ESRRG: variants seen among roughly 807,000 people sequenced by gnomAD.
The protein encoded by ESRRG is estrogen related receptor gamma.
In ESRRG, 13 loss-of-function variants were observed where a neutral mutation model predicts 44.0. The ratio of observed to expected loss-of-function variants is 0.30; its 90% confidence interval spans 0.19 to 0.47. The LOEUF is 0.47. ESRRG is among the 20% of genes least tolerant of loss of function. The probability of loss-of-function intolerance (pLI) is 1.00; values close to 1 mark genes in which losing one functional copy is unlikely to be tolerated. For synonymous variants in ESRRG, 215 were observed against 214.6 expected (o/e 1.00, Z -0.02); for missense variants, 395 against 580.6 (o/e 0.68, Z 3.29).
intron 3 of ESRRG, among the ~76,000 whole-genome samples, chr1:216,604,371 A>C (rs2059651581): frequency 6.6e-6 from 1 of 152,202 alleles, no homozygotes; most frequent in African/African-American, 2.4e-5. Flanking sequence ...CCAAGTGCAC[A>C]ATGGGGCTTC....
At chr1:216,875,959 T>A (rs2096345605) in intron 2 of ESRRG, among the ~76,000 whole-genome samples, 1 of 152,176 alleles carries the variant, frequency 6.6e-6, no homozygotes, top group Admixed American at 6.5e-5. Flanking sequence ...TCATCTAGAA[T>A]GGATATCAGG....
chr1:216,527,320 T>C (rs1408914028), intron 5 of ESRRG, among the ~76,000 whole-genome samples: 1 of 152,162 alleles, frequency 6.6e-6, no homozygotes, highest in African/African-American at 2.4e-5. Flanking sequence ...AACAGCATCC[T>C]TACCAAAATC....
chr1:216,718,753 A>G (rs1235434569), intron 1 of ESRRG, among the ~76,000 whole-genome samples: 1 of 152,016 alleles, frequency 6.6e-6, no homozygotes, highest in Non-Finnish European at 1.5e-5. Flanking sequence ...GCCGGAGCTC[A>G]TACGCACTTA....
intron 1 of ESRRG, among the ~76,000 whole-genome samples, chr1:217,106,656 A>G (rs1186520230): frequency 1.3e-5 from 2 of 152,202 alleles, no homozygotes; most frequent in Non-Finnish European, 2.9e-5. Flanking sequence ...ATCCTGTTAC[A>G]AGCTGCTTGA....
chr1:216,871,010 T>A (rs550176838), intron 2 of ESRRG, among the ~76,000 whole-genome samples: 31 of 152,168 alleles, frequency 2.0e-4, no homozygotes, highest in African/African-American at 7.5e-4. Flanking sequence ...TTTATGAGTA[T>A]ACTCTTCATT....
At chr1:216,860,576 C>A (rs1207583422) in intron 2 of ESRRG, among the ~76,000 whole-genome samples, 1 of 151,770 alleles carries the variant, frequency 6.6e-6, no homozygotes, top group Non-Finnish European at 1.5e-5. Flanking sequence ...AGAGTGAAAG[C>A]AAGAAGACAA....
At chr1:217,060,589 G>A (rs757749711) in intron 1 of ESRRG, among the ~76,000 whole-genome samples, 6 of 152,022 alleles carry the variant, frequency 3.9e-5, no homozygotes, top group East Asian at 3.9e-4. Flanking sequence ...TTGGTGCCAC[G>A]TTCCTGGATT....
chr1:216,868,003 A>T (rs1447803426), intron 2 of ESRRG, among the ~76,000 whole-genome samples: 1 of 151,246 alleles, frequency 6.6e-6, no homozygotes, highest in Non-Finnish European at 1.5e-5. Flanking sequence ...AAAATGGGAT[A>T]CTACAGTATG....
intron 2 of ESRRG, among the ~76,000 whole-genome samples, chr1:216,825,239 C>A (rs1313231558): frequency 1.3e-5 from 2 of 152,210 alleles, no homozygotes; most frequent in African/African-American, 4.8e-5. Flanking sequence ...AACCTTCCTG[C>A]CCCTTAAGGA....
At chr1:216,541,506 GA>G (rs1233106640) in intron 5 of ESRRG, among the ~76,000 whole-genome samples, 2 of 151,294 alleles carry the variant, frequency 1.3e-5, no homozygotes, top group Non-Finnish European at 2.9e-5. Context: ...ATAAGTTTGG[GA>G]AATAATGATA....
chr1:217,069,043 C>T (rs1169937722), intron 1 of ESRRG, among the ~76,000 whole-genome samples: 1 of 152,170 alleles, frequency 6.6e-6, no homozygotes, highest in African/African-American at 2.4e-5. Context: ...AGTATTTATC[C>T]TGGGTGTGTC....
intron 1 of ESRRG, among the ~76,000 whole-genome samples, chr1:216,689,074 CG>C (rs1452876469): frequency 2.0e-5 from 3 of 152,080 alleles, no homozygotes; most frequent in African/African-American, 7.2e-5. Context: ...AACTGGCATT[CG>C]CAATAATGAG....
intron 1 of ESRRG, among the ~76,000 whole-genome samples, chr1:217,096,319 A>C (rs1157461430): frequency 6.6e-6 from 1 of 152,166 alleles, no homozygotes. Context: ...AAAAATAATC[A>C]AGATGTCACC....
At chr1:216,990,875 G>C (rs931004620) in intron 1 of ESRRG, among the ~76,000 whole-genome samples, 1 of 152,142 alleles carries the variant, frequency 6.6e-6, no homozygotes, top group Non-Finnish European at 1.5e-5. Flanking sequence ...ACTCTGCATT[G>C]TTCTAGGGTC....
chr1:216,534,236 A>G (rs6604632), intron 5 of ESRRG, among the ~76,000 whole-genome samples: 46,383 of 152,024 alleles, frequency 0.31, 7,583 homozygotes, highest in Non-Finnish European at 0.36. Flanking sequence ...AAAGACAGCA[A>G]AACCCCAGTG....
At chr1:216,767,858 A>C (rs1214400203) in intron 2 of ESRRG, among the ~76,000 whole-genome samples, 1 of 152,164 alleles carries the variant, frequency 6.6e-6, no homozygotes, top group East Asian at 1.9e-4. Flanking sequence ...TAAAACTGTC[A>C]GTTGCTTTGT....
At chr1:216,903,315 T>C (rs567429286) in intron 2 of ESRRG, among the ~76,000 whole-genome samples, 1 of 152,142 alleles carries the variant, frequency 6.6e-6, no homozygotes, top group African/African-American at 2.4e-5. Context: ...ATGACTCTTG[T>C]AGCACCGGGC....
chr1:216,534,266 G>A lies in ESRRG; in HGVS notation c.863-14845C>T, dbSNP rs564868739. ...CCAGTGAACATCTCATTTATTCTCC[G>A]TATCTCGAAATCAAATGAGAGAAGG... On this transcript the variant is annotated intron_variant, in intron 5 of 6. Coordinates refer to ENST00000408911, the MANE Select transcript of ESRRG (RefSeq NM_001438.4). Among the ~76,000 whole-genome samples the A allele has an allele frequency of 9.1e-4, 139 of 152,138 alleles. 1 individual carries two copies. Among genetic ancestry groups the A allele is most frequent in the Admixed American group, 1.5e-3 (23 of 15,252 alleles).
intron 1 of ESRRG, among the ~76,000 whole-genome samples, chr1:217,058,846 A>C (rs983351300): frequency 2.2e-4 from 33 of 150,752 alleles, no homozygotes; most frequent in African/African-American, 7.8e-4. Context: ...TACTAATAAG[A>C]ACTCATAAGT....
Sources: allele counts gnomAD v4.1 joint callset (sites outside exome capture counted in the v4.1 genomes callset), GRCh38; gene constraint gnomAD v4.1.1; transcripts MANE v1.5; gene names NCBI Gene and HGNC (gene_info 2026-07-23, HGNC 2026-07-21).